DMD: variants seen among roughly 807,000 people sequenced by gnomAD.
The protein encoded by DMD is dystrophin, also known as mutant dystrophin.
In DMD, 63 loss-of-function variants were observed where a neutral mutation model predicts 330.1. That is an observed-to-expected ratio of 0.19 (90% confidence interval 0.16 to 0.24). The LOEUF (loss-of-function observed/expected upper bound fraction) is 0.24. Among genes scored for constraint, DMD ranks in the 10% least tolerant of loss-of-function variants. The pLI is 1.00. For synonymous variants in DMD, 1,223 were observed against 959.8 expected (o/e 1.27, Z -5.07); for missense variants, 3,344 against 2,684.1 (o/e 1.25, Z -5.43).
At chrX:32,129,318 A>G (rs2096676825) in intron 44 of DMD, among the ~76,000 whole-genome samples, 1 of 111,470 alleles carries the variant, frequency 9.0e-6, no homozygotes, top group Non-Finnish European at 1.9e-5. Flanking sequence ...GTCACCTAAT[A>G]AAAGTACATT....
intron 1 of DMD, among the ~76,000 whole-genome samples, chrX:33,182,452 T>C (rs2050045786): frequency 9.1e-6 from 1 of 110,344 alleles, no homozygotes; most frequent in South Asian, 3.9e-4. Context: ...ATTTTTTTTT[T>C]GTAGAGATGA....
At chrX:32,499,416 A>G (rs1292315290) in intron 19 of DMD, among the ~76,000 whole-genome samples, 2 of 111,540 alleles carry the variant, frequency 1.8e-5, no homozygotes, top group African/African-American at 6.5e-5. Flanking sequence ...TTAGTGGCAT[A>G]ATAATATGAG....
chrX:32,389,771 T>C (rs1300919643), intron 31 of DMD, 97 bp from the exon 32 acceptor site: 4 of 854,483 alleles, frequency 4.7e-6, no homozygotes, highest in Non-Finnish European at 6.8e-6. Context: ...TTTCTGAAGA[T>C]ATACAGAAAA....
At chrX:32,286,059 C>T (rs952068328) in intron 43 of DMD, among the ~76,000 whole-genome samples, 10 of 110,727 alleles carry the variant, frequency 9.0e-5, no homozygotes, top group Admixed American at 4.8e-4. Flanking sequence ...TCTCAGGTTT[C>T]GGAGAGGAGG....
Position 33,308,655 on chromosome X carries a change from C to G in DMD, c.7+30604G>C, listed in dbSNP as rs181119436. ...TTTTCCAAAGGTCCAATTTGGAATT[C>G]CTTTTCTTTTTCTTTTTTTCCTTTC... On this transcript the variant is annotated intron_variant, in intron 1 of 17. Coordinates refer to the DMD transcript ENST00000288447. 1.4e-4 allele frequency among the ~76,000 whole-genome samples: 16 copies of G among 111,528 alleles called. 1 individual carries two copies. Among genetic ancestry groups the G allele is most frequent in the African/African-American group, 4.2e-4 (13 of 30,730 alleles).
intron 13 of DMD, among the ~76,000 whole-genome samples, chrX:32,588,707 G>T (rs1287966968): frequency 9.0e-6 from 1 of 111,647 alleles, no homozygotes; most frequent in Non-Finnish European, 1.9e-5. Context: ...GGGGGCTTAT[G>T]ATATGGCCTA....
chrX:33,231,817 C>T (rs944802303), intron 1 of DMD, among the ~76,000 whole-genome samples: 7 of 111,489 alleles, frequency 6.3e-5, no homozygotes, highest in Non-Finnish European at 1.3e-4. Context: ...AAATAAGGCA[C>T]AAAGAGAGTG....
chrX:31,234,822 T>C lies in DMD; in HGVS notation c.9287-11701A>G, dbSNP rs769322680. On this transcript the variant is annotated intron_variant, in intron 63 of 78. Coordinates refer to ENST00000357033, the MANE Select transcript of DMD (RefSeq NM_004006.3). ...CAATAGTGGGAAAGAGACCTCAGTA[T>C]AGAACTGGGCTCAACTCTGAATACA... 3.6e-5 allele frequency among the ~76,000 whole-genome samples: 4 copies of C among 111,521 alleles called. No individual in the cohort carries two copies. The South Asian group carries it at 1.1e-3, about 32-fold the overall frequency.
chrX:32,844,950 T>C (rs2080525400), intron 3 of DMD, 90 bp from the exon 4 acceptor site: 1 of 745,239 alleles, frequency 1.3e-6, no homozygotes. Flanking sequence ...ACTATTAAGC[T>C]TGAATATTGT....
intron 57 of DMD, among the ~76,000 whole-genome samples, chrX:31,480,554 TTGTGTGTGTG>T (rs60621342): frequency 0.029 from 2,677 of 91,311 alleles, 36 homozygotes; most frequent in Middle Eastern, 0.046. Context: ...ATCTCCATGT[TTGTGTGTGTG>T]TGTGTGTGTG....
intron 51 of DMD, among the ~76,000 whole-genome samples, chrX:31,757,546 G>C (rs1163544401): frequency 4.5e-5 from 5 of 111,390 alleles, no homozygotes. Context: ...CCAAGATCAA[G>C]ACATCAGCAG....
Position 31,221,226 on chromosome X carries a change from A to G in DMD, c.9361+1821T>C, listed in dbSNP as rs895733962. Among the ~76,000 whole-genome samples the G allele has an allele frequency of 3.7e-5, 4 of 109,375 alleles. No individual in the cohort carries two copies. The East Asian group carries it at 1.1e-3, about 31-fold the overall frequency. 95.0% of individuals were successfully genotyped at this position (109,375 alleles called of 115,157 possible). Reference sequence around the variant, plus strand: ...AGCAAGAATCATCTTTCTAAGCGACAATCTGATTATGTCACCCCCAGGCCA... The same window carrying G: ...AGCAAGAATCATCTTTCTAAGCGACGATCTGATTATGTCACCCCCAGGCCA... On this transcript the variant is annotated intron_variant, in intron 64 of 78. Transcript: ENST00000357033.
intron 44 of DMD, among the ~76,000 whole-genome samples, chrX:32,183,545 G>T (rs2096934362): frequency 2.3e-5 from 2 of 86,893 alleles, no homozygotes; most frequent in African/African-American, 8.0e-5. Context: ...CACATGCACA[G>T]CTACACAAAT....
At chrX:32,044,429 A>T (rs367720794) in intron 44 of DMD, among the ~76,000 whole-genome samples, 3 of 104,918 alleles carry the variant, frequency 2.9e-5, no homozygotes, top group Non-Finnish European at 5.9e-5. Flanking sequence ...TATTTATTTA[A>T]TTTTTTTTTT....
intron 44 of DMD, among the ~76,000 whole-genome samples, chrX:32,087,902 A>T (rs960735138): frequency 8.9e-6 from 1 of 112,299 alleles, no homozygotes; most frequent in African/African-American, 3.2e-5. Context: ...TTATTTCTGG[A>T]TATAAGGCAC....
chrX:31,998,930 T>C (rs992143643), intron 44 of DMD, among the ~76,000 whole-genome samples: 1 of 111,715 alleles, frequency 9.0e-6, no homozygotes, highest in African/African-American at 3.2e-5. Context: ...GGTCAGTAGG[T>C]CTTCCTCAAA....
intron 44 of DMD, among the ~76,000 whole-genome samples, chrX:32,126,215 T>C (rs2096660804): frequency 8.9e-6 from 1 of 112,478 alleles, no homozygotes; most frequent in African/African-American, 3.2e-5. Context: ...CAATCATGCA[T>C]GCCGTTTCTG....
In DMD at chrX:32,972,763, G is replaced by A. The variant is rs2092428959; in HGVS notation, c.93+47376C>T. On this transcript the variant is annotated intron_variant, in intron 2 of 78. Transcript: ENST00000357033. ...TCCGTACTTTAGTTTCTTTCCATATGTTAAATATGGATAATAATGGTGTCT... is the reference window on the plus strand; with the variant it reads ...TCCGTACTTTAGTTTCTTTCCATATATTAAATATGGATAATAATGGTGTCT... Among the ~76,000 whole-genome samples the A allele has an allele frequency of 2.7e-5, 3 of 111,693 alleles. No individual in the cohort carries two copies. The South Asian group carries it at 1.1e-3, about 41-fold the overall frequency.
intron 44 of DMD, chrX:32,206,370 G>A (rs1355486746): frequency 9.9e-6 from 5 of 506,271 alleles, no homozygotes; most frequent in African/African-American, 9.3e-5. Context: ...TGCTGCTGAT[G>A]AAGATGATGA....
Sources: gnomAD v4.1 joint callset for allele counts (sites outside exome capture counted in the v4.1 genomes callset) on GRCh38, gnomAD v4.1.1 for gene constraint, MANE v1.5 for transcripts, NCBI Gene and HGNC (gene_info 2026-07-23, HGNC 2026-07-21) for gene names.